Variants in CSMD1 observed in about 807,000 individuals in gnomAD.
The protein encoded by CSMD1 is CUB and Sushi multiple domains 1, also known as CUB and sushi domain-containing protein 1.
CSMD1 carries 213 observed loss-of-function variants against 417.5 expected under a neutral mutation model. The ratio of observed to expected loss-of-function variants is 0.51; its 90% CI spans 0.46 to 0.57. The LOEUF (loss-of-function observed/expected upper bound fraction) is 0.57, where lower values mean the gene tolerates loss of function less well. Among genes scored for constraint, CSMD1 ranks in the 20% least tolerant of loss-of-function variants. The pLI is 0.00. For synonymous variants in CSMD1, 2,862 were observed against 1,736.8 expected, an observed-to-expected ratio of 1.65 and a Z score of -16.11; for missense variants, 6,923 against 4,529.7, an observed-to-expected ratio of 1.53 and a Z score of -15.17.
At chr8:4,829,025 T>G (rs542749464) in intron 1 of CSMD1, among the ~76,000 whole-genome samples, 10 of 152,306 alleles carry the variant, frequency 6.6e-5, no homozygotes, top group Middle Eastern at 3.4e-3. Context: ...TAGAGATACA[T>G]TATGATATTG....
At chr8:4,617,451 G>A (rs1276321997) in intron 2 of CSMD1, among the ~76,000 whole-genome samples, 2 of 152,086 alleles carry the variant, frequency 1.3e-5, no homozygotes, top group African/African-American at 2.4e-5. Context: ...TTTTGGTAAG[G>A]CAAATGCCTT....
intron 7 of CSMD1, among the ~76,000 whole-genome samples, chr8:3,641,150 C>T (rs778437024): frequency 2.7e-5 from 4 of 149,016 alleles, no homozygotes; most frequent in Admixed American, 6.8e-5. Context: ...GACCGGTTCT[C>T]TGAATCTGCA....
chr8:4,963,712 G>A (rs1477121476), intron 1 of CSMD1, among the ~76,000 whole-genome samples: 8 of 151,932 alleles, frequency 5.3e-5, no homozygotes, highest in Non-Finnish European at 7.4e-5. Context: ...GCTCTTCTTT[G>A]ACCATACAAT....
chr8:3,443,550 T>C (rs1031240), intron 12 of CSMD1, among the ~76,000 whole-genome samples: 89,515 of 152,090 alleles, frequency 0.59, 26,525 homozygotes, highest in Middle Eastern at 0.62. Context: ...CAAATTAGTA[T>C]TTACAGGGGG....
chr8:4,239,966 T>G (rs544408864), intron 3 of CSMD1, among the ~76,000 whole-genome samples: 2 of 152,180 alleles, frequency 1.3e-5, no homozygotes, highest in Non-Finnish European at 2.9e-5. Context: ...AATCCAAACC[T>G]CTTTTACCAG....
chr8:4,339,036 G>C (rs1448221503), intron 3 of CSMD1, among the ~76,000 whole-genome samples: 3 of 152,058 alleles, frequency 2.0e-5, no homozygotes, highest in Non-Finnish European at 4.4e-5. Context: ...AATTGCTGTA[G>C]AGCCTCAAAT....
chr8:4,527,494 T>TC (rs1796577971), intron 2 of CSMD1, among the ~76,000 whole-genome samples: 1 of 152,170 alleles, frequency 6.6e-6, no homozygotes, highest in Non-Finnish European at 1.5e-5. Flanking sequence ...TGTCAAGATA[T>TC]AAAGAATGAG....
intron 51 of CSMD1, among the ~76,000 whole-genome samples, chr8:3,022,071 C>G (rs1809469781): frequency 2.0e-5 from 3 of 150,466 alleles, no homozygotes; most frequent in Admixed American, 2.0e-4. Flanking sequence ...ACCCGCAATC[C>G]CACAGCATCC....
At position 4,214,204 on chromosome 8, in the gene CSMD1, T is replaced by C. The variant is rs552277266; in HGVS notation, c.416-182105A>G. 1.8e-4 allele frequency among the ~76,000 whole-genome samples: 28 copies of C among 152,282 alleles called. No individual in the cohort carries two copies. In the East Asian group the frequency reaches 4.6e-3, roughly 25 times the overall value. On this transcript the variant is annotated intron_variant, in intron 3 of 69. Transcript: ENST00000635120. ...TTTACATAGGATACGGCTCAATAGA[T>C]GGAAATTAAATGAATGGACTAAAAT...
intron 1 of CSMD1, among the ~76,000 whole-genome samples, chr8:4,884,250 T>A (rs957833958): frequency 6.6e-6 from 1 of 151,996 alleles, no homozygotes; most frequent in Non-Finnish European, 1.5e-5. Context: ...TGTTTATATA[T>A]ACATGTTATT....
chr8:4,050,057 G>C (rs1466421944), intron 3 of CSMD1, among the ~76,000 whole-genome samples: 1 of 152,148 alleles, frequency 6.6e-6, no homozygotes, highest in African/African-American at 2.4e-5. Context: ...TGTCCCTCCT[G>C]TGGAACTTGT....
intron 3 of CSMD1, among the ~76,000 whole-genome samples, chr8:4,328,330 G>A (rs537539816): frequency 1.6e-4 from 24 of 149,856 alleles, no homozygotes; most frequent in South Asian, 4.2e-4. Context: ...TCAACTGTGC[G>A]GTCTGAGACT....
intron 7 of CSMD1, among the ~76,000 whole-genome samples, chr8:3,691,269 G>C (rs950226091): frequency 6.6e-6 from 1 of 152,082 alleles, no homozygotes; most frequent in African/African-American, 2.4e-5. Flanking sequence ...TCAGGAGGCT[G>C]AAGCAGGAGA....
chr8:4,365,591 T>C (rs1802023647), intron 3 of CSMD1, among the ~76,000 whole-genome samples: 1 of 152,226 alleles, frequency 6.6e-6, no homozygotes, highest in African/African-American at 2.4e-5. Flanking sequence ...GCAGATACTC[T>C]GGTTTCTGTC....
In CSMD1 at chr8:4,025,804, C is replaced by G. The variant is rs191630331; in HGVS notation, c.610+6101G>C. Among the ~76,000 whole-genome samples the G allele has an allele frequency of 7.9e-5, 12 of 152,164 alleles. No homozygotes were observed. In the East Asian group the frequency reaches 1.9e-3, roughly 24 times the overall value. On this transcript the variant is annotated intron_variant, in intron 4 of 69. Transcript: ENST00000635120. Reference sequence around the variant, plus strand: ...ACAGTTTTAAGCAAAGGTGACTGGCCTCTGATTTAGTTCTGTTAATTATTT... The same window carrying G: ...ACAGTTTTAAGCAAAGGTGACTGGCGTCTGATTTAGTTCTGTTAATTATTT...
intron 5 of CSMD1, among the ~76,000 whole-genome samples, chr8:3,981,840 G>C (rs879710158): frequency 6.6e-6 from 1 of 152,146 alleles, no homozygotes; most frequent in African/African-American, 2.4e-5. Flanking sequence ...GCAGGAGGGC[G>C]TGCACTTGCT....
At chr8:3,553,714 G>C (rs535888946) in intron 10 of CSMD1, among the ~76,000 whole-genome samples, 1 of 152,154 alleles carries the variant, frequency 6.6e-6, no homozygotes, top group Non-Finnish European at 1.5e-5. Context: ...CAAATATTCT[G>C]AAGACATTAA....
chr8:4,340,238 T>C (rs1179919486), intron 3 of CSMD1, among the ~76,000 whole-genome samples: 5 of 152,084 alleles, frequency 3.3e-5, no homozygotes, highest in African/African-American at 1.2e-4. Context: ...TCTCCCCTTT[T>C]CCTCTCACTG....
At chr8:4,493,561 A>C (rs1021549484) in intron 2 of CSMD1, among the ~76,000 whole-genome samples, 8 of 152,048 alleles carry the variant, frequency 5.3e-5, no homozygotes, top group Admixed American at 5.2e-4. Context: ...TTAGCCAGGC[A>C]ATGGGGCATG....
Sources: allele counts gnomAD v4.1 joint callset (sites outside exome capture counted in the v4.1 genomes callset), GRCh38; gene constraint gnomAD v4.1.1; transcripts MANE v1.5; gene names NCBI Gene and HGNC (gene_info 2026-07-23, HGNC 2026-07-21).